The following RIN3 variants were observed in gnomAD, a reference collection of about 807,000 sequenced individuals.
RIN3 encodes Ras and Rab interactor 3.
Under a neutral mutation model 76.3 loss-of-function variants are expected in RIN3, and 54 were observed. The ratio of observed to expected loss-of-function variants is 0.71; its 90% CI spans 0.57 to 0.89. The LOEUF (loss-of-function observed/expected upper bound fraction) is 0.89, where lower values mean the gene tolerates loss of function less well. Among genes scored for constraint, RIN3 ranks in the 40% least tolerant of loss-of-function variants. RIN3 has a pLI of 0.00. For synonymous variants in RIN3, 576 were observed against 564.0 expected (o/e 1.02, Z -0.30); for missense variants, 1,256 against 1,322.1 (o/e 0.95, Z 0.78).
intron 3 of RIN3, among the ~76,000 whole-genome samples, chr14:92,613,000 G>C (rs11849393): frequency 2.6e-5 from 4 of 152,356 alleles, no homozygotes; most frequent in Admixed American, 2.6e-4. Flanking sequence ...GACTGACTTC[G>C]TCTTCAAAGT....
intron 3 of RIN3, among the ~76,000 whole-genome samples, chr14:92,601,192 A>T (rs1269472300): frequency 1.3e-5 from 2 of 152,222 alleles, no homozygotes; most frequent in African/African-American, 4.8e-5. Context: ...CAGTATTGGG[A>T]TTAATTTTAC....
chr14:92,675,166 T>G (rs1888418542), intron 7 of RIN3, among the ~76,000 whole-genome samples: 1 of 152,234 alleles, frequency 6.6e-6, no homozygotes, highest in South Asian at 2.1e-4. Context: ...CCTTTTTGCT[T>G]TGGCCAGCAG....
Position 92,676,578 on chromosome 14 carries a change from C to T in RIN3, c.2439C>T (p.Leu813=), listed in dbSNP as rs1053918883. ...TCAATGTGGAGTACATGATGGAGCTCATGGACCCCGCCCTGCAGCTGGGGG... is the reference window on the plus strand; with the variant it reads ...TCAATGTGGAGTACATGATGGAGCTTATGGACCCCGCCCTGCAGCTGGGGG... The part of the protein sequence containing the change: ...MLLNVEYMME[L]MDPALQLGEG... Residue 813 remains leucine, a synonymous_variant, in exon 8 of 10, where the codon CTC becomes CTT. Transcript: ENST00000216487. The T allele has an allele frequency of 6.2e-7, 1 of 1,613,866 alleles. No individual in the cohort carries two copies. The highest frequency in any genetic ancestry group is 8.5e-7 in the Non-Finnish European group (1 of 1,179,970).
intron 4 of RIN3, among the ~76,000 whole-genome samples, chr14:92,640,051 T>A (rs1349731266): frequency 8.2e-6 from 1 of 122,546 alleles, no homozygotes; most frequent in African/African-American, 3.3e-5. Flanking sequence ...TGTGTGTTCG[T>A]CGGGGGCTGC....
At chr14:92,612,253 G>A (rs1394639072) in intron 3 of RIN3, among the ~76,000 whole-genome samples, 3 of 152,334 alleles carry the variant, frequency 2.0e-5, no homozygotes, top group African/African-American at 7.2e-5. Flanking sequence ...GGCAGGTGGT[G>A]TGGCCTAGGA....
chr14:92,600,829 G>A (rs763677079), intron 3 of RIN3, among the ~76,000 whole-genome samples: 14 of 152,290 alleles, frequency 9.2e-5, no homozygotes, highest in Middle Eastern at 6.8e-3. Flanking sequence ...GAGAATGTTA[G>A]CAGTATCCCC....
At position 92,643,901 on chromosome 14, in the gene RIN3, G is replaced by A. The variant is rs111726198; in HGVS notation, c.532+2572G>A. Among the ~76,000 whole-genome samples the A allele has an allele frequency of 1.2e-4, 19 of 152,024 alleles. No individual in the cohort carries two copies. Among genetic ancestry groups the A allele is most frequent in the African/African-American group, 1.2e-4 (5 of 41,450 alleles). ...TGAGATTGCCCCACTGCACTCCAGCGTGGGCAACAGACTGAGACTCTGCCT... is the reference window on the plus strand; with the variant it reads ...TGAGATTGCCCCACTGCACTCCAGCATGGGCAACAGACTGAGACTCTGCCT... On this transcript the variant is annotated intron_variant, in intron 5 of 9. Transcript: ENST00000216487. This position sits in a 1 kb window ranked among gnomAD's most constrained non-coding sequence, Gnocchi z 4.8.
intron 2 of RIN3, among the ~76,000 whole-genome samples, chr14:92,563,638 A>AC (rs1786567758): frequency 6.6e-6 from 1 of 151,662 alleles, no homozygotes; most frequent in African/African-American, 2.4e-5. Flanking sequence ...TTTAAAAAAA[A>AC]CAGTGTCTTG....
At chr14:92,545,694 A>C (rs1407206299) in intron 1 of RIN3, among the ~76,000 whole-genome samples, 1 of 145,106 alleles carries the variant, frequency 6.9e-6, no homozygotes, top group African/African-American at 2.6e-5. Flanking sequence ...TGATCCTCCC[A>C]CCTCAGCCTC....
intron 3 of RIN3, among the ~76,000 whole-genome samples, chr14:92,613,000 G>A (rs11849393): frequency 7.2e-5 from 11 of 152,238 alleles, no homozygotes; most frequent in Non-Finnish European, 1.2e-4. Context: ...GACTGACTTC[G>A]TCTTCAAAGT....
intron 1 of RIN3, among the ~76,000 whole-genome samples, chr14:92,524,087 G>A (rs371489947): frequency 5.9e-5 from 9 of 152,170 alleles, no homozygotes; most frequent in South Asian, 2.1e-4. Context: ...ACAGCTACTC[G>A]GGAGGCTGAG....
At chr14:92,579,966 C>T (rs982570990) in intron 3 of RIN3, among the ~76,000 whole-genome samples, 1 of 152,180 alleles carries the variant, frequency 6.6e-6, no homozygotes, top group Non-Finnish European at 1.5e-5. Context: ...TATATTAGTT[C>T]AATTGAAGGT....
At position 92,615,496 on chromosome 14, in the gene RIN3, CT is replaced by C; in HGVS notation, c.440+18del. 1 of 1,606,272 alleles carries C rather than the reference CT, an allele frequency of 6.2e-7. No homozygotes were observed. Among genetic ancestry groups the C allele is most frequent in the Non-Finnish European group, 8.5e-7 (1 of 1,172,826 alleles). ...TGTCAGTAGGTGAGTAGACCCGGCC[CT>C]GCAGGAGGTTATCTGGTTGTAGCAA... On this transcript the variant is annotated intron_variant, in intron 4 of 9. Coordinates refer to ENST00000216487, the MANE Select transcript of RIN3 (RefSeq NM_024832.5).
intron 1 of RIN3, among the ~76,000 whole-genome samples, chr14:92,525,274 G>T (rs1317550576): frequency 6.6e-6 from 1 of 152,226 alleles, no homozygotes; most frequent in African/African-American, 2.4e-5. Flanking sequence ...CGCCCCTGAT[G>T]CCTGTGGCAG....
intron 3 of RIN3, among the ~76,000 whole-genome samples, chr14:92,589,251 C>T (rs1218371212): frequency 6.6e-6 from 1 of 152,070 alleles, no homozygotes; most frequent in Non-Finnish European, 1.5e-5. Flanking sequence ...TCACTCCCAC[C>T]TCTGAGCCTT....
chr14:92,544,706 G>C (rs1400892041), intron 1 of RIN3, among the ~76,000 whole-genome samples: 1 of 124,326 alleles, frequency 8.0e-6, no homozygotes, highest in Non-Finnish European at 1.8e-5. Context: ...TTATACATGA[G>C]AGCTTTTTTT....
At chr14:92,600,994 G>A (rs1885324258) in intron 3 of RIN3, among the ~76,000 whole-genome samples, 1 of 152,194 alleles carries the variant, frequency 6.6e-6, no homozygotes, top group African/African-American at 2.4e-5. Context: ...GTAGCCAGGG[G>A]CCACATGTGG....
intron 4 of RIN3, among the ~76,000 whole-genome samples, chr14:92,622,775 C>A (rs971986521): frequency 6.6e-6 from 1 of 152,138 alleles, no homozygotes; most frequent in Non-Finnish European, 1.5e-5. Context: ...AGAGGGAGGG[C>A]TGATAGATGA....
intron 1 of RIN3, among the ~76,000 whole-genome samples, chr14:92,519,940 C>T (rs1180713679): frequency 6.6e-6 from 1 of 152,212 alleles, no homozygotes; most frequent in Non-Finnish European, 1.5e-5. Context: ...ACTGTGTCCT[C>T]TCCTCTACTC....
Sources: gnomAD v4.1 joint callset for allele counts (sites outside exome capture counted in the v4.1 genomes callset) on GRCh38, gnomAD v4.1.1 for gene constraint, Gnocchi (gnomAD v3.1) non-coding constraint, MANE v1.5 for transcripts, NCBI Gene and HGNC (gene_info 2026-07-23, HGNC 2026-07-21) for gene names.